The following LPAR1 variants were observed in gnomAD, a reference collection of about 807,000 sequenced individuals.
LPAR1 encodes the protein LPA receptor 1.
Under a neutral mutation model 23.8 loss-of-function variants are expected in LPAR1, and 5 were observed. The observed-to-expected ratio is 0.21, with a 90% CI of 0.11 to 0.44. The LOEUF (loss-of-function observed/expected upper bound fraction) is 0.44, where lower values mean the gene tolerates loss of function less well. Ranked by LOEUF, LPAR1 falls within the 20% of genes least tolerant of loss-of-function variation. The pLI is 0.99. For synonymous variants in LPAR1, 160 were observed against 164.7 expected (o/e 0.97, Z 0.22); for missense variants, 311 against 482.8 (o/e 0.64, Z 3.33).
chr9:110,964,038 T>C (rs1367054356), intron 4 of LPAR1, among the ~76,000 whole-genome samples: 2 of 152,240 alleles, frequency 1.3e-5, no homozygotes, highest in African/African-American at 4.8e-5. Context: ...GAAAGCACTG[T>C]CAAGATAATC....
rs558620775 is a variant in LPAR1 at position 110,994,756 on chromosome 9, G to C, written c.-181-21198C>G. On this transcript the variant is annotated intron_variant, in intron 2 of 5. Transcript: ENST00000683809. ...TGTGTCACTACTAACCATAAGAATA[G>C]ACATCCCCAAGATCTGGCTAAAAGT... Among the ~76,000 whole-genome samples the C allele has an allele frequency of 4.6e-5, 7 of 152,238 alleles. No individual in the cohort carries two copies. The East Asian group carries it at 1.4e-3, about 29-fold the overall frequency.
At chr9:110,974,332 T>C (rs537720807) in intron 2 of LPAR1, among the ~76,000 whole-genome samples, 9 of 152,310 alleles carry the variant, frequency 5.9e-5, no homozygotes, top group African/African-American at 2.2e-4. Context: ...GATCCAAGTC[T>C]TGCACAGCAG....
chr9:110,992,001 T>G (rs1184924151), intron 2 of LPAR1, among the ~76,000 whole-genome samples: 2 of 151,606 alleles, frequency 1.3e-5, no homozygotes, highest in Non-Finnish European at 2.9e-5. Flanking sequence ...AAGCTTGTTT[T>G]TTTTTTTCTT....
intron 2 of LPAR1, among the ~76,000 whole-genome samples, chr9:110,978,025 T>C (rs2096596590): frequency 6.6e-6 from 1 of 152,174 alleles, no homozygotes; most frequent in Non-Finnish European, 1.5e-5. Context: ...GAACACATTG[T>C]GGTTCAGAAA....
In LPAR1 at chr9:110,903,870, AT is replaced by A. The variant is rs889670117; in HGVS notation, c.794-28149del. ...AGGACATTTCATAATTAAAATTTTG[AT>A]AAGTGAATTGCAAAAAAAAAAAAAA... On this transcript the variant is annotated intron_variant, in intron 5 of 5. Transcript: ENST00000683809. 3.3e-3 allele frequency among the ~76,000 whole-genome samples: 477 copies of A among 144,798 alleles called. 4 individuals carry two copies. The highest frequency in any genetic ancestry group is 0.017 in the Middle Eastern group (5 of 286). The allele number at this position is 144,798 out of a possible 152,430, so 95.0% of individuals were successfully genotyped here.
intron 2 of LPAR1, among the ~76,000 whole-genome samples, chr9:111,010,891 A>T (rs1028693110): frequency 6.6e-6 from 1 of 152,224 alleles, no homozygotes; most frequent in Non-Finnish European, 1.5e-5. Context: ...ACCAAATATT[A>T]GCCAGAAACT....
intron 4 of LPAR1, among the ~76,000 whole-genome samples, chr9:110,944,406 T>C (rs1469873166): frequency 6.6e-6 from 1 of 152,244 alleles, no homozygotes; most frequent in Non-Finnish European, 1.5e-5. Flanking sequence ...TTTCCAAAAA[T>C]GTTTAAACTT....
intron 2 of LPAR1, among the ~76,000 whole-genome samples, chr9:110,995,036 C>G (rs1276628641): frequency 6.6e-6 from 1 of 152,122 alleles, no homozygotes; most frequent in African/African-American, 2.4e-5. Context: ...AAACACAAAA[C>G]AAAGACAAAG....
intron 5 of LPAR1, among the ~76,000 whole-genome samples, chr9:110,877,047 G>A (rs2079297047): frequency 6.6e-6 from 1 of 152,144 alleles, no homozygotes. Flanking sequence ...GCGGAAGTAG[G>A]AGCAACCCCA....
At chr9:111,028,017 G>T (rs1409504151) in intron 2 of LPAR1, among the ~76,000 whole-genome samples, 2 of 151,430 alleles carry the variant, frequency 1.3e-5, no homozygotes, top group Non-Finnish European at 2.9e-5. Context: ...AATTAAAAAT[G>T]AAAGATTTTA....
rs2097228651 is a variant in LPAR1, at chr9:111,006,920, T to C, written c.-182+29202A>G. Among the ~76,000 whole-genome samples the C allele has an allele frequency of 1.3e-5, 2 of 152,054 alleles. 1 individual carries two copies. The highest frequency in any genetic ancestry group is 2.9e-5 in the Non-Finnish European group (2 of 68,010). ...TATACCTGGGGCCTGATGGGAGGTG[T>C]TTGGATCATGGGGACAGATCCCTCA... is the stretch of plus-strand genomic sequence containing the variant. On this transcript the variant is annotated intron_variant, in intron 2 of 5. Transcript: ENST00000683809.
chr9:111,024,304 T>C lies in LPAR1; in HGVS notation c.-182+11818A>G, dbSNP rs557027254. On this transcript the variant is annotated intron_variant, in intron 2 of 5. Transcript: ENST00000683809. ...GAGCAGTCAAATACCAGCAATCTCA[T>C]ATGATTCAACTTACCAATGAAGATA... is the stretch of plus-strand genomic sequence containing the variant. Among the ~76,000 whole-genome samples, 6 of 151,234 alleles carry C rather than the reference T, an allele frequency of 4.0e-5. No homozygotes were observed. In the South Asian group the frequency reaches 1.0e-3, roughly 26 times the overall value.
intron 5 of LPAR1, among the ~76,000 whole-genome samples, chr9:110,921,720 T>C (rs1483986215): frequency 1.3e-5 from 2 of 152,204 alleles, no homozygotes; most frequent in Non-Finnish European, 2.9e-5. Flanking sequence ...GGTGGTCTTG[T>C]TGTTATAAAG....
chr9:110,941,774 T>A lies in LPAR1; in HGVS notation c.440A>T (p.His147Leu), dbSNP rs1486201037. The A allele has an allele frequency of 6.2e-7, 1 of 1,614,186 alleles. No homozygotes were observed. The highest frequency in any genetic ancestry group is 8.5e-7 in the Non-Finnish European group (1 of 1,180,024). Residue 147 changes from histidine (H) to leucine (L), a missense_variant, in exon 5 of 6, where the codon CAC becomes CTC. Transcript: ENST00000683809. The surrounding 1 kb of genome is among the most constrained non-coding windows in gnomAD (Gnocchi z 6.1). ...GAGCTGCATGCGGAAAACCGTAATG[T>A]GCCTCTCGATTGCAATAGCCAGTAA... ...ANLLAIAIER[H>L]ITVFRMQLHT... is the part of the protein sequence containing the mutation.
chr9:110,883,537 C>T (rs1192629184), intron 5 of LPAR1, among the ~76,000 whole-genome samples: 1 of 152,042 alleles, frequency 6.6e-6, no homozygotes. Context: ...CAAGGAAATG[C>T]ACACACGTAA....
intron 2 of LPAR1, among the ~76,000 whole-genome samples, chr9:111,023,229 C>G (rs761900110): frequency 3.9e-5 from 6 of 152,114 alleles, no homozygotes; most frequent in Non-Finnish European, 5.9e-5. Context: ...TACTAAGTAT[C>G]ACAAAAAATG....
At chr9:110,995,666 C>A (rs1277654865) in intron 2 of LPAR1, among the ~76,000 whole-genome samples, 2 of 152,098 alleles carry the variant, frequency 1.3e-5, no homozygotes, top group East Asian at 3.9e-4. Context: ...TGAGGGAGCA[C>A]CAAGAAAGAG....
chr9:110,916,304 C>T (rs540161502), intron 5 of LPAR1, among the ~76,000 whole-genome samples: 12 of 152,244 alleles, frequency 7.9e-5, no homozygotes, highest in African/African-American at 2.6e-4. Context: ...CTAGGAATGA[C>T]GGAGCTGGGA....
chr9:110,904,856 T>C (rs752776079), intron 5 of LPAR1, among the ~76,000 whole-genome samples: 22 of 152,210 alleles, frequency 1.4e-4, no homozygotes, highest in Non-Finnish European at 3.1e-4. Flanking sequence ...TCTTTCAAAG[T>C]GCTCTGAAAA....
Sources: allele counts gnomAD v4.1 joint callset (sites outside exome capture counted in the v4.1 genomes callset), GRCh38; gene constraint gnomAD v4.1.1; non-coding constraint Gnocchi (gnomAD v3.1); transcripts MANE v1.5; gene names NCBI Gene and HGNC (gene_info 2026-07-23, HGNC 2026-07-21).